Variants in DISP3 observed in about 807,000 individuals in gnomAD.
The protein encoded by DISP3 is protein dispatched homolog 3.
A neutral mutation model predicts 135.3 loss-of-function variants in DISP3; 101 were observed. The ratio of observed to expected loss-of-function variants is 0.75; its 90% confidence interval spans 0.64 to 0.88. The LOEUF (loss-of-function observed/expected upper bound fraction) is 0.88, where lower values mean the gene tolerates loss of function less well. DISP3 is among the 40% of genes least tolerant of loss of function. DISP3 has a pLI of 0.00. For synonymous variants in DISP3, 856 were observed against 817.0 expected (o/e 1.05, Z -0.81); for missense variants, 1,713 against 1,878.6 (o/e 0.91, Z 1.63).
In DISP3 at chr1:11,531,976, T is replaced by TG. The variant is rs1161609975; in HGVS notation, c.3375+271dup. ...TCCCCTTCCCTCCCTCTCCACCAACTGGGGGTCCACGGTATTTTTTAGTCT... is the reference window on the plus strand; with the variant it reads ...TCCCCTTCCCTCCCTCTCCACCAACTGGGGGGTCCACGGTATTTTTTAGTCT... On this transcript the variant is annotated intron_variant, in intron 17 of 20. Transcript: ENST00000294484. This position sits in a 1 kb window ranked among gnomAD's most constrained non-coding sequence, Gnocchi z 5.2. Among the ~76,000 whole-genome samples the TG allele has an allele frequency of 2.0e-5, 3 of 152,248 alleles. No individual in the cohort carries two copies. Among genetic ancestry groups the TG allele is most frequent in the African/African-American group, 4.8e-5 (2 of 41,544 alleles).
intron 12 of DISP3, 80 bp downstream of exon 12, chr1:11,525,392 C>A: frequency 6.7e-7 from 1 of 1,494,572 alleles, no homozygotes; most frequent in African/African-American, 1.4e-5. Context: ...GTGGGCAGCC[C>A]TGGCCAATAG....
chr1:11,486,685 A>AT lies in DISP3; in HGVS notation c.-4+7327dup, dbSNP rs542549075. Reference sequence around the variant, plus strand: ...AAGACATCACTAAGTTAAGATTAAGATTTTTTTTTTTTTTAAGATAAGCTC... The same window carrying AT: ...AAGACATCACTAAGTTAAGATTAAGATTTTTTTTTTTTTTTAAGATAAGCTC... On this transcript the variant is annotated intron_variant, in intron 1 of 20. Coordinates refer to ENST00000294484, the MANE Select transcript of DISP3 (RefSeq NM_020780.2). Among the ~76,000 whole-genome samples the AT allele has an allele frequency of 8.0e-3, 1,163 of 145,794 alleles. 56 individuals carry two copies. In the South Asian group the frequency reaches 0.14, roughly 17 times the overall value.
intron 11 of DISP3, 94 bp from the exon 12 acceptor site, chr1:11,525,082 G>A (rs12044052): frequency 2.0e-4 from 295 of 1,477,664 alleles, no homozygotes; most frequent in Admixed American, 3.4e-4. Flanking sequence ...GACTGAGCTC[G>A]TTAGTCGACA....
intron 7 of DISP3, among the ~76,000 whole-genome samples, chr1:11,518,279 C>A (rs1242457556): frequency 6.6e-6 from 1 of 152,166 alleles, no homozygotes; most frequent in Non-Finnish European, 1.5e-5. Context: ...GTCCGCTCGC[C>A]CATGGTGAGC....
intron 6 of DISP3, among the ~76,000 whole-genome samples, chr1:11,517,171 C>T (rs901973678): frequency 6.6e-6 from 1 of 152,262 alleles, no homozygotes; most frequent in Non-Finnish European, 1.5e-5. Context: ...ATGACAGCTA[C>T]TGACCACTGC....
At position 11,501,999 on chromosome 1, in the gene DISP3, C is replaced by G. The variant is rs552572691; in HGVS notation, c.1007C>G (p.Pro336Arg). The change falls in exon 2 of 21, where the codon CCC becomes CGC. Residue 336 changes from proline (P) to arginine (R), a missense_variant. By Grantham distance (103) the Pro-to-Arg change is moderately radical. Around this residue, in one of 2 missense-constraint regions of DISP3, gnomAD observed 571 missense variants for 494.1 expected, o/e 1.16. Coordinates refer to ENST00000294484, the MANE Select transcript of DISP3 (RefSeq NM_020780.2). The surrounding 1 kb of genome is among the most constrained non-coding windows in gnomAD (Gnocchi z 4.9). ...PLGSYSYCSP[P>R]SSLMTYFFPT... ...GGCTCCTACTCCTACTGCTCGCCCC[C>G]CAGCTCGCTCATGACCTACTTTTTT... 2 of 1,613,574 alleles carry G rather than the reference C, an allele frequency of 1.2e-6. No homozygotes were observed. Among genetic ancestry groups the G allele is most frequent in the South Asian group, 1.1e-5 (1 of 90,976 alleles).
At position 11,516,044 on chromosome 1, in the gene DISP3, CA is replaced by C; in HGVS notation, c.1633del (p.Thr545ProfsTer10). ...FVFINTYRQA[T>X]HLEDPQLRMI... The stretch of plus-strand genomic sequence containing the variant: ...TGTTCATCAACACCTACCGCCAGGC[CA>C]CCCACCTGGAAGACCCACAGCTGCG... On this transcript the variant is annotated frameshift_variant, in exon 6 of 21. Transcript: ENST00000294484. LOFTEE classifies it high-confidence loss of function. The surrounding 1 kb of genome is among the most constrained non-coding windows in gnomAD (Gnocchi z 5.1). 6.2e-7 allele frequency: 1 copy of C among 1,614,102 alleles called. No homozygotes were observed. Among genetic ancestry groups the C allele is most frequent in the Non-Finnish European group, 8.5e-7 (1 of 1,179,982 alleles).
chr1:11,514,557 C>G (rs767385491), intron 4 of DISP3, 31 bp downstream of exon 4: 12 of 1,606,310 alleles, frequency 7.5e-6, no homozygotes, highest in Non-Finnish European at 1.0e-5. Context: ...GCCCCCTCCT[C>G]CCCTCCCAGG....
In DISP3 at chr1:11,529,556, G is replaced by A. The variant is rs771449253; in HGVS notation, c.2799G>A (p.Arg933=). Residue 933 remains arginine (R), a splice_region_variant and synonymous_variant, in exon 14 of 21, where the codon CGG becomes CGA. Coordinates refer to ENST00000294484, the MANE Select transcript of DISP3 (RefSeq NM_020780.2). The surrounding 1 kb of genome is among the most constrained non-coding windows in gnomAD (Gnocchi z 4.7). ...YVATKEQQHT[R]KLYFAQSHKP... ...AGCCCAGCCTCCATTCCCTCCACAG[G>A]AAGCTGTACTTCGCCCAGTCCCACA... The A allele has an allele frequency of 1.9e-6, 3 of 1,551,200 alleles. No individual in the cohort carries two copies. Among genetic ancestry groups the A allele is most frequent in the East Asian group, 4.5e-5 (2 of 44,064 alleles).
intron 12 of DISP3, among the ~76,000 whole-genome samples, chr1:11,526,179 A>G (rs1191324902): frequency 6.6e-6 from 1 of 152,164 alleles, no homozygotes; most frequent in Non-Finnish European, 1.5e-5. Context: ...CACTGCCTGA[A>G]AAGCTTTTCC....
At position 11,525,268 on chromosome 1, in the gene DISP3, T is replaced by G; in HGVS notation, c.2569T>G (p.Trp857Gly). Reference sequence around the variant, plus strand: ...CCTCAATGCCAGCCTGCCTGCTCCTTGGCAGGCTGTGTCGCCTGGGGATGG... The same window carrying G: ...CCTCAATGCCAGCCTGCCTGCTCCTGGGCAGGCTGTGTCGCCTGGGGATGG... ...LSLNASLPAP[W>G]QAVSPGDGEV... Residue 857 changes from tryptophan to glycine, a missense_variant, in exon 12 of 21, where the codon TGG becomes GGG. Transcript: ENST00000294484. 1 of 1,613,992 alleles carries G rather than the reference T, an allele frequency of 6.2e-7. No homozygotes were observed. The highest frequency in any genetic ancestry group is 8.5e-7 in the Non-Finnish European group (1 of 1,179,922).
chr1:11,499,107 C>T lies in DISP3; in HGVS notation c.-3-1883C>T, dbSNP rs922539770. On this transcript the variant is annotated intron_variant, in intron 1 of 20. Transcript: ENST00000294484. This position sits in a 1 kb window ranked among gnomAD's most constrained non-coding sequence, Gnocchi z 5.2. ...TTGCATGATGAATTCAATGTGGACC[C>T]CTAGGGGACGGGGATGGCATTCCTG... Among the ~76,000 whole-genome samples, 3 of 152,064 alleles carry T rather than the reference C, an allele frequency of 2.0e-5. No individual in the cohort carries two copies. The highest frequency in any genetic ancestry group is 2.1e-4 in the South Asian group (1 of 4,820).
Position 11,501,235 on chromosome 1 carries a change from C to T in DISP3, c.243C>T (p.Gly81=). 1.9e-6 allele frequency: 3 copies of T among 1,614,182 alleles called. No homozygotes were observed. The highest frequency in any genetic ancestry group is 2.5e-6 in the Non-Finnish European group (3 of 1,180,028). Residue 81 remains glycine, a synonymous_variant, in exon 2 of 21, where the codon GGC becomes GGT. Coordinates refer to ENST00000294484, the MANE Select transcript of DISP3 (RefSeq NM_020780.2). This position sits in a 1 kb window ranked among gnomAD's most constrained non-coding sequence, Gnocchi z 4.9. ...PCCAGLVLFL[G]CSIPMALSAF... is the part of the protein sequence containing the mutation. Reference sequence around the variant, plus strand: ...GTGCTGGGCTGGTGCTCTTCCTGGGCTGCAGCATCCCCATGGCCCTGTCAG... The same window carrying T: ...GTGCTGGGCTGGTGCTCTTCCTGGGTTGCAGCATCCCCATGGCCCTGTCAG...
At chr1:11,498,240 T>C (rs927071840) in intron 1 of DISP3, among the ~76,000 whole-genome samples, 1 of 152,206 alleles carries the variant, frequency 6.6e-6, no homozygotes, top group African/African-American at 2.4e-5. Context: ...CAGGAGAGGA[T>C]GGCTGAGCTC....
intron 10 of DISP3, among the ~76,000 whole-genome samples, chr1:11,522,602 CCA>C (rs1642239160): frequency 4.2e-5 from 5 of 119,228 alleles, no homozygotes; most frequent in Non-Finnish European, 7.6e-5. Flanking sequence ...CAGGACCCAG[CCA>C]GAGCCCAGCC....
At position 11,491,781 on chromosome 1, in the gene DISP3, G is replaced by A. The variant is rs1005883483; in HGVS notation, c.-3-9209G>A. ...TAAGGGAGTCCGCTCCAGTTGACTT[G>A]GGGACCTGCCTACAGCAGGGGCCAG... On this transcript the variant is annotated intron_variant, in intron 1 of 20. Coordinates refer to ENST00000294484, the MANE Select transcript of DISP3 (RefSeq NM_020780.2). This position sits in a 1 kb window ranked among gnomAD's most constrained non-coding sequence, Gnocchi z 4.3. Among the ~76,000 whole-genome samples the A allele has an allele frequency of 2.0e-5, 3 of 152,144 alleles. No homozygotes were observed. Among genetic ancestry groups the A allele is most frequent in the African/African-American group, 7.2e-5 (3 of 41,424 alleles).
At chr1:11,534,800 A>G (rs1045987442) in intron 18 of DISP3, 17 of 759,242 alleles carry the variant, frequency 2.2e-5, no homozygotes, top group Middle Eastern at 4.5e-4. Context: ...GCTGCCAGTT[A>G]CCAGCCCCTC....
rs1319873156 is a variant in DISP3 at position 11,501,926 on chromosome 1, C to T, written c.934C>T (p.Arg312Trp). The T allele has an allele frequency of 5.6e-6, 9 of 1,613,628 alleles. No homozygotes were observed. Among genetic ancestry groups the T allele is most frequent in the Non-Finnish European group, 7.6e-6 (9 of 1,179,904 alleles). ...CAAGATCATGGACCACCCAGGCTTCCGGGAGTTCTGCTGGAAGCCCCACGA... is the reference window on the plus strand; with the variant it reads ...CAAGATCATGGACCACCCAGGCTTCTGGGAGTTCTGCTGGAAGCCCCACGA... ...ERKIMDHPGF[R>W]EFCWKPHEVL... Residue 312 changes from arginine to tryptophan, a missense_variant, in exon 2 of 21, where the codon CGG becomes TGG. Arg to Trp is a moderately radical substitution (Grantham distance 101). Coordinates refer to ENST00000294484, the MANE Select transcript of DISP3 (RefSeq NM_020780.2). This position sits in a 1 kb window ranked among gnomAD's most constrained non-coding sequence, Gnocchi z 4.9.
At chr1:11,534,632 C>G in intron 18 of DISP3, 92 bp downstream of exon 18, 1 of 1,461,902 alleles carries the variant, frequency 6.8e-7, no homozygotes, top group Non-Finnish European at 9.1e-7. Context: ...GTCACAATCT[C>G]CATCCTGGCC....
Sources: allele counts gnomAD v4.1 joint callset (sites outside exome capture counted in the v4.1 genomes callset), GRCh38; gene constraint gnomAD v4.1.1; regional missense constraint gnomAD v4.1.1; non-coding constraint Gnocchi (gnomAD v3.1); transcripts MANE v1.5; gene names NCBI Gene and HGNC (gene_info 2026-07-23, HGNC 2026-07-21).